KCNK9: variants seen among roughly 807,000 people sequenced by gnomAD.
KCNK9 encodes potassium channel subfamily K member 9.
Under a neutral mutation model 10.8 loss-of-function variants are expected in KCNK9, and 1 was observed. The observed-to-expected ratio is 0.09, with a 90% CI of 0.03 to 0.44. The LOEUF (loss-of-function observed/expected upper bound fraction) is 0.44. KCNK9 is among the 20% of genes least tolerant of loss of function. The pLI, the probability that KCNK9 is intolerant of heterozygous loss-of-function variation, is 0.97. For synonymous variants in KCNK9, 231 were observed against 222.7 expected (o/e 1.04, Z -0.33); for missense variants, 303 against 515.0 (o/e 0.59, Z 3.98).
chr8:139,609,169 C>T (rs1408182884), downstream of KCNK9, among the ~76,000 whole-genome samples: 2 of 138,314 alleles, frequency 1.4e-5, no homozygotes, highest in African/African-American at 5.5e-5. Context: ...GTCAGGACAC[C>T]TGACTTGGAG....
chr8:139,692,676 C>T (rs539941049), intron 1 of KCNK9, among the ~76,000 whole-genome samples: 5 of 152,300 alleles, frequency 3.3e-5, no homozygotes, highest in South Asian at 2.1e-4. Context: ...CACTGGGGAA[C>T]GTTCTCCCAC....
Position 139,661,551 on chromosome 8 carries a change from G to T in KCNK9, c.283+41159C>A, listed in dbSNP as rs370076738. On this transcript the variant is annotated intron_variant, in intron 1 of 1. Coordinates refer to ENST00000520439, the MANE Select transcript of KCNK9 (RefSeq NM_001282534.2). ...GGAAGGGTATGCCCTCCCCTCTGGG[G>T]CCTCAGCTTCCCAGTGATAAGAATC... 4.5e-4 allele frequency among the ~76,000 whole-genome samples: 68 copies of T among 152,316 alleles called. 1 individual carries two copies. The highest frequency in any genetic ancestry group is 1.6e-3 in the African/African-American group (65 of 41,570).
At position 139,618,396 on chromosome 8, in the gene KCNK9, G is replaced by A; in HGVS notation, c.987C>T (p.Ser329=). The change falls in exon 2 of 2, where the codon TCC becomes TCT. Residue 329 remains serine (S), a synonymous_variant. Transcript: ENST00000520439. This position sits in a 1 kb window ranked among gnomAD's most constrained non-coding sequence, Gnocchi z 7.9. ...AGATCTCCTCGATCTTGTAAGAGAT[G>A]GAGTGGAAGTAGTGGGGGGCAAGCT... ...SAKLAPHYFH[S]ISYKIEEISP... 2 of 1,614,148 alleles carry A rather than the reference G, an allele frequency of 1.2e-6. No homozygotes were observed. Among genetic ancestry groups the A allele is most frequent in the African/African-American group, 1.3e-5 (1 of 75,028 alleles).
At chr8:139,634,174 T>TG (rs1439580790) in intron 1 of KCNK9, among the ~76,000 whole-genome samples, 2 of 152,212 alleles carry the variant, frequency 1.3e-5, no homozygotes, top group Non-Finnish European at 2.9e-5. Context: ...CTTAGGCTGT[T>TG]GGGTCTCAAG....
At chr8:139,671,263 G>T (rs1816419706) in intron 1 of KCNK9, among the ~76,000 whole-genome samples, 1 of 152,158 alleles carries the variant, frequency 6.6e-6, no homozygotes, top group African/African-American at 2.4e-5. Context: ...TTTCTTTCCT[G>T]GCTCAGCCCC....
chr8:139,681,166 CA>C (rs1187728690), intron 1 of KCNK9, among the ~76,000 whole-genome samples: 2 of 152,188 alleles, frequency 1.3e-5, no homozygotes, highest in African/African-American at 2.4e-5. Flanking sequence ...GTAAGCCTCA[CA>C]AAAATCTCCA....
chr8:139,695,602 G>A (rs765089396), intron 1 of KCNK9, among the ~76,000 whole-genome samples: 13 of 152,186 alleles, frequency 8.5e-5, no homozygotes. Context: ...AATCCCTTGA[G>A]GAAAGGGACC....
At chr8:139,662,629 C>A (rs1008139329) in intron 1 of KCNK9, among the ~76,000 whole-genome samples, 3 of 152,064 alleles carry the variant, frequency 2.0e-5, no homozygotes, top group Non-Finnish European at 4.4e-5. Flanking sequence ...GTCAGCCATA[C>A]CCCACCCCCT....
At chr8:139,641,486 C>T (rs1188803969) in intron 1 of KCNK9, among the ~76,000 whole-genome samples, 1 of 152,196 alleles carries the variant, frequency 6.6e-6, no homozygotes, top group East Asian at 1.9e-4. Context: ...AAATGGGCAT[C>T]ATGACCATTG....
chr8:139,674,354 C>T (rs1816501752), intron 1 of KCNK9, among the ~76,000 whole-genome samples: 1 of 152,252 alleles, frequency 6.6e-6, no homozygotes, highest in Non-Finnish European at 1.5e-5. Flanking sequence ...CAGCACTCTG[C>T]TCTCAGGCTT....
chr8:139,630,800 G>A (rs1297688091), intron 1 of KCNK9, among the ~76,000 whole-genome samples: 3 of 152,232 alleles, frequency 2.0e-5, no homozygotes, highest in Non-Finnish European at 4.4e-5. Context: ...CTGCGGTCAA[G>A]GCACACCCCC....
At chr8:139,601,428 C>T (rs1430163498) in exon 3 of KCNK9, 1 of 152,160 alleles carries the variant, frequency 6.6e-6, no homozygotes, top group East Asian at 1.9e-4. Context: ...GCCACCAGCT[C>T]TAGACACATT....
chr8:139,665,351 A>G (rs1816272256), intron 1 of KCNK9, among the ~76,000 whole-genome samples: 1 of 152,024 alleles, frequency 6.6e-6, no homozygotes, highest in African/African-American at 2.4e-5. Context: ...TGCTTCAATC[A>G]TCAGAACTCT....
In KCNK9 at chr8:139,702,973, CGCACGTTCT is replaced by C. The variant is rs1443481769; in HGVS notation, c.11_19del (p.Gln4_Val6del). The C allele has an allele frequency of 6.3e-7, 1 of 1,593,436 alleles. No individual in the cohort carries two copies. Among genetic ancestry groups the C allele is most frequent in the Non-Finnish European group, 8.5e-7 (1 of 1,171,018 alleles). On this transcript the variant is annotated inframe_deletion, in exon 1 of 2. Coordinates refer to ENST00000520439, the MANE Select transcript of KCNK9 (RefSeq NM_001282534.2). This position sits in a 1 kb window ranked among gnomAD's most constrained non-coding sequence, Gnocchi z 7.5. The stretch of plus-strand genomic sequence containing the variant: ...GGTGCAGACGATGAGGGACAGAGTC[CGCACGTTCT>C]GCCTCTTCATGGCCGCCAGCAAGGA...
chr8:139,607,445 C>G (rs531159653), intron 2 of KCNK9, among the ~76,000 whole-genome samples: 1 of 152,282 alleles, frequency 6.6e-6, no homozygotes, highest in South Asian at 2.1e-4. Context: ...AAGGGGCCCC[C>G]GGGAGCTGCC....
chr8:139,672,549 A>G (rs77782597), intron 1 of KCNK9, among the ~76,000 whole-genome samples: 4,804 of 152,310 alleles, frequency 0.032, 140 homozygotes, highest in African/African-American at 0.076. Context: ...GATGGTCTCA[A>G]AATAGACTCC....
intron 1 of KCNK9, among the ~76,000 whole-genome samples, chr8:139,637,588 A>G (rs1479908119): frequency 1.3e-5 from 2 of 152,210 alleles, no homozygotes; most frequent in African/African-American, 2.4e-5. Context: ...GGAAGCAGAG[A>G]ATAGTGGTTA....
At chr8:139,645,141 A>G (rs895657866) in intron 1 of KCNK9, among the ~76,000 whole-genome samples, 1 of 152,186 alleles carries the variant, frequency 6.6e-6, no homozygotes, top group Non-Finnish European at 1.5e-5. Flanking sequence ...TGGCAGGGGC[A>G]CCCACCAAGT....
At position 139,647,132 on chromosome 8, in the gene KCNK9, G is replaced by C. The variant is rs73724495; in HGVS notation, c.284-28033C>G. On this transcript the variant is annotated intron_variant, in intron 1 of 1. Transcript: ENST00000520439. ...GCAGGAGCAGAGAGGCTCAGGCTGG[G>C]CTCCGTGAGCATGGGCTTTTAGGGG... Among the ~76,000 whole-genome samples, 1,375 of 152,366 alleles carry C rather than the reference G, an allele frequency of 9.0e-3. 17 individuals carry two copies. Among genetic ancestry groups the C allele is most frequent in the African/African-American group, 0.032 (1,334 of 41,594 alleles).
Sources: allele counts gnomAD v4.1 joint callset (sites outside exome capture counted in the v4.1 genomes callset), GRCh38; gene constraint gnomAD v4.1.1; non-coding constraint Gnocchi (gnomAD v3.1); transcripts MANE v1.5; gene names NCBI Gene and HGNC (gene_info 2026-07-23, HGNC 2026-07-21).